RXRA: variants seen among roughly 807,000 people sequenced by gnomAD.
The protein encoded by RXRA is retinoid X receptor alpha.
Under a neutral mutation model 44.5 loss-of-function variants are expected in RXRA, and 5 were observed. The observed-to-expected ratio is 0.11, with a 90% CI of 0.06 to 0.24. The LOEUF (loss-of-function observed/expected upper bound fraction) is 0.24, where lower values mean the gene tolerates loss of function less well. RXRA is among the 10% of genes least tolerant of loss of function. The pLI, the probability that RXRA is intolerant of heterozygous loss-of-function variation, is 1.00. For missense variants in RXRA, 412 were observed against 646.5 expected, an observed-to-expected ratio of 0.64 and a Z score of 3.93; for synonymous variants, 291 against 271.4, an observed-to-expected ratio of 1.07 and a Z score of -0.71.
chr9:134,416,622 C>G (rs1463102692), intron 4 of RXRA, among the ~76,000 whole-genome samples: 1 of 152,084 alleles, frequency 6.6e-6, no homozygotes, highest in Non-Finnish European at 1.5e-5. Flanking sequence ...CCTGATTGCC[C>G]AGGTGTCTCT....
chr9:134,344,897 C>T (rs1427024227), intron 1 of RXRA, among the ~76,000 whole-genome samples: 4 of 152,316 alleles, frequency 2.6e-5, no homozygotes, highest in East Asian at 1.9e-4. Context: ...AGCCTCTGTG[C>T]GGGCCCTGTG....
chr9:134,399,587 GTCC>G (rs758531322), intron 1 of RXRA, among the ~76,000 whole-genome samples: 2 of 152,214 alleles, frequency 1.3e-5, no homozygotes, highest in African/African-American at 2.4e-5. Flanking sequence ...GGTCCTGCCT[GTCC>G]TCCTCCCAGG....
At chr9:134,335,410 CAG>C (rs1407563013) in intron 1 of RXRA, among the ~76,000 whole-genome samples, 1 of 152,172 alleles carries the variant, frequency 6.6e-6, no homozygotes, top group African/African-American at 2.4e-5. Context: ...GGAATCAAGG[CAG>C]AGAGAATGGA....
At chr9:134,434,020 C>G in intron 8 of RXRA, 82 bp from the exon 9 acceptor site, 1 of 1,026,904 alleles carries the variant, frequency 9.7e-7, no homozygotes, top group East Asian at 2.4e-5. Context: ...CCTGGGAGAC[C>G]CCACACAAGC....
chr9:134,364,779 G>A (rs1359166474), intron 1 of RXRA, among the ~76,000 whole-genome samples: 2 of 152,226 alleles, frequency 1.3e-5, no homozygotes, highest in Non-Finnish European at 2.9e-5. Flanking sequence ...GCTTTGCCCA[G>A]CCTGCCCCTG....
chr9:134,358,642 A>T (rs1588262611), intron 1 of RXRA, among the ~76,000 whole-genome samples: 2 of 152,196 alleles, frequency 1.3e-5, no homozygotes, highest in Admixed American at 1.3e-4. Flanking sequence ...CCAGCCCAGC[A>T]GCACTGCCCT....
intron 1 of RXRA, chr9:134,372,164 T>G (rs1160253421): frequency 1.3e-5 from 2 of 152,194 alleles, no homozygotes; most frequent in African/African-American, 4.8e-5. Context: ...GAGGATGGGT[T>G]TGAAGCCCGG....
At chr9:134,403,291 A>G (rs1830993658) in intron 2 of RXRA, 1 of 152,292 alleles carries the variant, frequency 6.6e-6, no homozygotes, top group Admixed American at 6.5e-5. Context: ...GGATGTGTGC[A>G]GAAGAACTGG....
At chr9:134,330,130 G>A (rs1554746477) in intron 1 of RXRA, among the ~76,000 whole-genome samples, 1 of 152,230 alleles carries the variant, frequency 6.6e-6, no homozygotes, top group Non-Finnish European at 1.5e-5. Context: ...GGTGAGCAAT[G>A]CCTGTCCTCT....
At chr9:134,367,328 G>A (rs191203708) in intron 1 of RXRA, among the ~76,000 whole-genome samples, 1 of 152,120 alleles carries the variant, frequency 6.6e-6, no homozygotes, top group Non-Finnish European at 1.5e-5. Context: ...AGTCTGCGGT[G>A]GGGGGGAGGG....
chr9:134,356,653 C>T (rs879810007), intron 1 of RXRA, among the ~76,000 whole-genome samples: 6 of 152,230 alleles, frequency 3.9e-5, no homozygotes, highest in South Asian at 4.1e-4. Context: ...GCTAGCACTG[C>T]GGTGGCCGTC....
chr9:134,379,826 G>A, intron 1 of RXRA: 1 of 985,384 alleles, frequency 1.0e-6, no homozygotes, highest in Non-Finnish European at 1.2e-6. Flanking sequence ...TCCAACCCTG[G>A]GGCCTTGTGT....
Position 134,429,191 on chromosome 9 carries a change from G to T in RXRA, c.994G>T (p.Val332Phe). 1 of 1,612,978 alleles carries T rather than the reference G, an allele frequency of 6.2e-7. No homozygotes were observed. The highest frequency in any genetic ancestry group is 8.5e-7 in the Non-Finnish European group (1 of 1,179,946). Residue 332 changes from valine to phenylalanine, a missense_variant, in exon 7 of 10, where the codon GTC becomes TTC. Coordinates refer to ENST00000481739, the MANE Select transcript of RXRA (RefSeq NM_002957.6). ...DGILLATGLH[V>F]HRNSAHSAGV... ...GATCCTCCTGGCCACCGGGCTGCAC[G>T]TCCACCGGAACAGCGCCCACAGCGC... is the stretch of plus-strand genomic sequence containing the variant.
At chr9:134,427,009 A>G in intron 6 of RXRA, 1 of 984,470 alleles carries the variant, frequency 1.0e-6, no homozygotes. Context: ...GAGGGGCAGG[A>G]GTGGGAGTGG....
At chr9:134,396,893 G>A (rs936782800) in intron 1 of RXRA, among the ~76,000 whole-genome samples, 1 of 152,218 alleles carries the variant, frequency 6.6e-6, no homozygotes, top group African/African-American at 2.4e-5. Flanking sequence ...CCAAAGGGAT[G>A]TGGGGATTTT....
At chr9:134,406,335 A>G (rs961940576) in intron 2 of RXRA, 1 of 148,820 alleles carries the variant, frequency 6.7e-6, no homozygotes, top group African/African-American at 2.5e-5. Flanking sequence ...TTGAGGCTGC[A>G]GTGACTGTGA....
chr9:134,365,321 C>T lies in RXRA; in HGVS notation c.29-36311C>T, dbSNP rs1223875290. On this transcript the variant is annotated intron_variant, in intron 1 of 9. Coordinates refer to ENST00000481739, the MANE Select transcript of RXRA (RefSeq NM_002957.6). This position sits in a 1 kb window ranked among gnomAD's most constrained non-coding sequence, Gnocchi z 4.0. ...CCTCGCCCCTCGTGGTGGGGCAGCG[C>T]GTCCCTGGGTGAGTGACCAGGCGGC... Among the ~76,000 whole-genome samples the T allele has an allele frequency of 6.6e-6, 1 of 152,244 alleles. No homozygotes were observed. Among genetic ancestry groups the T allele is most frequent in the African/African-American group, 2.4e-5 (1 of 41,464 alleles).
rs563081823 is a variant in RXRA at position 134,342,380 on chromosome 9, C to T, written c.28+15721C>T. Among the ~76,000 whole-genome samples the T allele has an allele frequency of 1.4e-3, 207 of 152,244 alleles. 1 individual carries two copies. Among genetic ancestry groups the T allele is most frequent in the African/African-American group, 4.8e-3 (198 of 41,552 alleles). On this transcript the variant is annotated intron_variant, in intron 1 of 9. Transcript: ENST00000481739. This position sits in a 1 kb window ranked among gnomAD's most constrained non-coding sequence, Gnocchi z 4.4. ...GGGCCTGGGCTCAGAGAGGCTGAGC[C>T]GATCTTCAAGGCCACACAGCTTGTG...
At chr9:134,346,418 G>C (rs782760222) in intron 1 of RXRA, among the ~76,000 whole-genome samples, 3 of 152,180 alleles carry the variant, frequency 2.0e-5, no homozygotes, top group Non-Finnish European at 4.4e-5. Flanking sequence ...AGCCTCCCCA[G>C]ACCCCCAGCT....
Sources: allele counts gnomAD v4.1 joint callset (sites outside exome capture counted in the v4.1 genomes callset), GRCh38; gene constraint gnomAD v4.1.1; non-coding constraint Gnocchi (gnomAD v3.1); transcripts MANE v1.5; gene names NCBI Gene and HGNC (gene_info 2026-07-23, HGNC 2026-07-21).